KIAA1210: variants seen among roughly 807,000 people sequenced by gnomAD.
KIAA1210 encodes the protein KIAA1210, also known as acrosomal protein KIAA1210.
A neutral mutation model predicts 78.9 loss-of-function variants in KIAA1210; 48 were observed. That is an observed-to-expected ratio of 0.61 (90% confidence interval 0.48 to 0.77). The LOEUF (loss-of-function observed/expected upper bound fraction) is 0.77, where lower values mean the gene tolerates loss of function less well. Among genes scored for constraint, KIAA1210 ranks in the 30% least tolerant of loss-of-function variants. KIAA1210 has a pLI of 0.00. For missense variants in KIAA1210, 1,108 were observed against 1,100.0 expected, an observed-to-expected ratio of 1.01 and a Z score of -0.10; for synonymous variants, 406 against 404.5, an observed-to-expected ratio of 1.00 and a Z score of -0.04.
rs1444594690 is a variant in KIAA1210 at position 119,081,479 on chromosome X, C to G, written c.4452G>C (p.Leu1484=). 8 of 1,206,344 alleles carry G rather than the reference C, an allele frequency of 6.6e-6. No individual in the cohort carries two copies. The highest frequency in any genetic ancestry group is 6.7e-6 in the Non-Finnish European group (6 of 893,894). ...TTTCTTTTTCCATGGCAGGAACTTG[C>G]AGTATCTTCTGAGCTTCAAATCCAA... The part of the protein sequence containing the change: ...KSVGFEAQKI[L]QVPAMEKETK... Residue 1484 remains leucine (L), a synonymous_variant, in exon 12 of 12, where the codon CTG becomes CTC. Coordinates refer to ENST00000691062, the MANE Select transcript of KIAA1210 (RefSeq NM_001394962.1).
At chrX:119,106,779 A>C (rs1603267860) in intron 5 of KIAA1210, among the ~76,000 whole-genome samples, 1 of 112,538 alleles carries the variant, frequency 8.9e-6, no homozygotes, top group Non-Finnish European at 1.9e-5. Flanking sequence ...AACACTTCAG[A>C]TAGGACATTA....
At chrX:119,092,498 A>G (rs979393914) in intron 8 of KIAA1210, among the ~76,000 whole-genome samples, 2 of 112,152 alleles carry the variant, frequency 1.8e-5, no homozygotes, top group African/African-American at 6.5e-5. Context: ...GCAGTGGCTC[A>G]CGCCTGCAAT....
intron 8 of KIAA1210, among the ~76,000 whole-genome samples, chrX:119,090,721 T>C (rs755495697): frequency 5.4e-5 from 6 of 111,190 alleles, no homozygotes; most frequent in African/African-American, 2.0e-4. Flanking sequence ...ATTGTTAGCA[T>C]GTCTCTCCCA....
At chrX:119,091,087 CA>C (rs1464888310) in intron 8 of KIAA1210, among the ~76,000 whole-genome samples, 2 of 112,141 alleles carry the variant, frequency 1.8e-5, no homozygotes, top group Admixed American at 9.5e-5. Context: ...AAACAATTCT[CA>C]AAAGAAGATA....
intron 6 of KIAA1210, among the ~76,000 whole-genome samples, chrX:119,101,349 A>C (rs1927730584): frequency 8.9e-6 from 1 of 111,913 alleles, no homozygotes; most frequent in African/African-American, 3.3e-5. Flanking sequence ...GTGGCTGTCT[A>C]GGCCCAGATT....
chrX:119,134,355 A>G (rs976327479), intron 2 of KIAA1210, among the ~76,000 whole-genome samples: 11 of 112,448 alleles, frequency 9.8e-5, no homozygotes, highest in African/African-American at 3.2e-4. Context: ...TATATACTGC[A>G]TTTCCTTTAT....
intron 2 of KIAA1210, among the ~76,000 whole-genome samples, chrX:119,140,513 C>T (rs1187573492): frequency 1.3e-5 from 1 of 76,591 alleles, no homozygotes; most frequent in Non-Finnish European, 2.3e-5. Context: ...TGAGCGACGA[C>T]AGAACAAGAC....
At chrX:119,097,193 C>G (rs1022660710) in intron 6 of KIAA1210, among the ~76,000 whole-genome samples, 2 of 111,379 alleles carry the variant, frequency 1.8e-5, no homozygotes, top group African/African-American at 6.5e-5. Context: ...AGCACACTAC[C>G]TTTTATTTAT....
At chrX:119,136,416 C>T (rs1025611712) in intron 2 of KIAA1210, among the ~76,000 whole-genome samples, 1 of 112,105 alleles carries the variant, frequency 8.9e-6, no homozygotes, top group Non-Finnish European at 1.9e-5. Flanking sequence ...TTTTGGTCTC[C>T]CAGTTCTGGA....
Position 119,086,658 on chromosome X carries a change from C to T in KIAA1210, c.4044G>A (p.Gly1348=). ...TGAGGTTCCCTGCAGCATCCAGGAG[C>T]CCCTGGGAAGTGCTTCTGATTTTAT... ...RGHKIRSTSQ[G]LLDAAGNLTK... is the part of the protein sequence containing the mutation. Residue 1348 remains glycine (G), a synonymous_variant, in exon 9 of 12, where the codon GGG becomes GGA. Coordinates refer to ENST00000691062, the MANE Select transcript of KIAA1210 (RefSeq NM_001394962.1). The T allele has an allele frequency of 1.7e-6, 2 of 1,211,347 alleles. No homozygotes were observed. The highest frequency in any genetic ancestry group is 2.2e-5 in the Admixed American group (1 of 46,001).
chrX:119,123,322 G>T (rs773589109), intron 2 of KIAA1210, among the ~76,000 whole-genome samples: 21 of 112,074 alleles, frequency 1.9e-4, no homozygotes, highest in East Asian at 5.6e-4. Flanking sequence ...GTTCTGATTG[G>T]TTTTTTCTGA....
chrX:119,117,837 T>C (rs1318911211), intron 2 of KIAA1210, among the ~76,000 whole-genome samples: 1 of 111,065 alleles, frequency 9.0e-6, no homozygotes, highest in Non-Finnish European at 1.9e-5. Flanking sequence ...AAACGCGAAC[T>C]CTTGGGCTCA....
At chrX:119,093,610 C>A in intron 8 of KIAA1210, 57 bp downstream of exon 8, 1 of 905,101 alleles carries the variant, frequency 1.1e-6, no homozygotes, top group Middle Eastern at 2.7e-4. Flanking sequence ...ATCAACATAG[C>A]ACTGTGCAAT....
At chrX:119,103,830 G>A (rs760740771) in intron 6 of KIAA1210, among the ~76,000 whole-genome samples, 1 of 112,149 alleles carries the variant, frequency 8.9e-6, no homozygotes, top group Non-Finnish European at 1.9e-5. Context: ...ATTATGCTAA[G>A]TGAAAGAAGC....
At chrX:119,133,176 C>T (rs1055862631) in intron 2 of KIAA1210, among the ~76,000 whole-genome samples, 1 of 111,499 alleles carries the variant, frequency 9.0e-6, no homozygotes, top group African/African-American at 3.3e-5. Flanking sequence ...AATAAAGTAT[C>T]CTCCAGGGGA....
intron 11 of KIAA1210, 75 bp from the exon 12 acceptor site, chrX:119,081,579 A>G (rs1926970851): frequency 1.7e-5 from 17 of 993,322 alleles, no homozygotes; most frequent in Admixed American, 2.7e-5. Flanking sequence ...ATGGAATGCC[A>G]TATAATGTTT....
chrX:119,096,729 A>AACAGCATACGGGT, intron 6 of KIAA1210, 38 bp from the exon 7 acceptor site: 1 of 1,026,395 alleles, frequency 9.7e-7, no homozygotes. Context: ...GTCAACCCGT[A>AACAGCATACGGGT]TGCTGTTACT....
At chrX:119,084,408 C>T (rs1927068114) in intron 10 of KIAA1210, among the ~76,000 whole-genome samples, 1 of 111,587 alleles carries the variant, frequency 9.0e-6, no homozygotes. Flanking sequence ...TGTACTGATA[C>T]AGAAAAGTGC....
chrX:119,128,757 C>T (rs750499460), upstream of KIAA1210, among the ~76,000 whole-genome samples: 1 of 111,390 alleles, frequency 9.0e-6, no homozygotes, highest in Non-Finnish European at 1.9e-5. Flanking sequence ...CTCACTGCAA[C>T]CTCCGCCACC....
Sources: allele counts gnomAD v4.1 joint callset (sites outside exome capture counted in the v4.1 genomes callset), GRCh38; gene constraint gnomAD v4.1.1; transcripts MANE v1.5; gene names NCBI Gene and HGNC (gene_info 2026-07-23, HGNC 2026-07-21).